ZNF782: variants seen among roughly 807,000 people sequenced by gnomAD.
The protein encoded by ZNF782 is zinc finger protein 782.
A neutral mutation model predicts 13.0 loss-of-function variants in ZNF782; 12 were observed. The ratio of observed to expected loss-of-function variants is 0.92; its 90% CI spans 0.59 to 1.50. The LOEUF (loss-of-function observed/expected upper bound fraction) is 1.50, where lower values mean the gene tolerates loss of function less well. Ranked by LOEUF, ZNF782 falls within the 40% of genes most tolerant of loss-of-function variation. The probability of loss-of-function intolerance (pLI) is 0.00; values close to 1 mark genes in which losing one functional copy is unlikely to be tolerated. For missense variants in ZNF782, 770 were observed against 822.9 expected, an observed-to-expected ratio of 0.94 and a Z score of 0.79; for synonymous variants, 284 against 283.0, an observed-to-expected ratio of 1.00 and a Z score of -0.04.
chr9:96,820,558 T>C (rs199526108), intron 5 of ZNF782, among the ~76,000 whole-genome samples: 1 of 142,066 alleles, frequency 7.0e-6, no homozygotes. Context: ...TTTTTTTTTT[T>C]CTTTTTTTTG....
At chr9:96,854,900 A>G (rs1588172597), upstream of ZNF782, among the ~76,000 whole-genome samples, 2 of 149,952 alleles carry the variant, frequency 1.3e-5, no homozygotes, top group East Asian at 3.9e-4. Context: ...AAAATTAAGA[A>G]TTTTGTAGAA....
At chr9:96,836,822 A>G (rs1851018321) in intron 4 of ZNF782, among the ~76,000 whole-genome samples, 1 of 152,084 alleles carries the variant, frequency 6.6e-6, no homozygotes, top group Non-Finnish European at 1.5e-5. Flanking sequence ...TCTCATAGGA[A>G]TAGATTATTT....
In ZNF782 at chr9:96,816,552, G is replaced by T. The variant is rs1389405678; in HGVS notation, c.*1371C>A. 1.3e-5 allele frequency: 2 copies of T among 152,046 alleles called. No individual in the cohort carries two copies. Among genetic ancestry groups the T allele is most frequent in the African/African-American group, 4.8e-5 (2 of 41,478 alleles). The allele number at this position is 152,046 out of a possible 1,614,324, so 9.4% of individuals were successfully genotyped here. A position where few individuals can be genotyped will look rare whatever the true frequency, so the allele number is the denominator to read the frequency against. On this transcript the variant is annotated 3_prime_UTR_variant, in exon 6 of 6. Transcript: ENST00000481138. ...TGTCTTATATTTCATTAAAAGTTTT[G>T]ATATTATATGTGAAACAACAGTTCT...
chr9:96,821,787 C>T (rs1850426672), intron 5 of ZNF782, among the ~76,000 whole-genome samples: 1 of 151,670 alleles, frequency 6.6e-6, no homozygotes, highest in Non-Finnish European at 1.5e-5. Flanking sequence ...TTCTCAGCCT[C>T]CTGAGTAGCT....
chr9:96,877,789 G>A (rs1263885140), upstream of ZNF782, among the ~76,000 whole-genome samples: 1 of 152,198 alleles, frequency 6.6e-6, no homozygotes, highest in East Asian at 1.9e-4. Context: ...CAAAAATGAA[G>A]CTTACTCGGT....
chr9:96,862,253 T>C (rs1851709800), intron 1 of ZNF782, among the ~76,000 whole-genome samples: 1 of 152,168 alleles, frequency 6.6e-6, no homozygotes, highest in South Asian at 2.1e-4. Flanking sequence ...TAAAGAGTAA[T>C]GGTTAATAGG....
Position 96,852,580 on chromosome 9 carries a change from G to A in ZNF782, c.-45+273C>T, listed in dbSNP as rs547313761. Among the ~76,000 whole-genome samples, 37 of 152,348 alleles carry A rather than the reference G, an allele frequency of 2.4e-4. 1 individual carries two copies. The South Asian group carries it at 7.5e-3, about 31-fold the overall frequency. On this transcript the variant is annotated intron_variant, in intron 2 of 5. Coordinates refer to ENST00000481138, the MANE Select transcript of ZNF782 (RefSeq NM_001001662.3). ...GAGGATCACTTGAGCCCAGGAGGTAGAGGCTGCAGTGAGCCATGTTTGTGC... is the reference window on the plus strand; with the variant it reads ...GAGGATCACTTGAGCCCAGGAGGTAAAGGCTGCAGTGAGCCATGTTTGTGC...
At chr9:96,925,571 G>A in the ZNF782 span, among the ~76,000 whole-genome samples, 1 of 149,574 alleles carries the variant, frequency 6.7e-6, no homozygotes, top group South Asian at 2.1e-4. Context: ...GGAGGCGGAG[G>A]CTGCAGTGAG....
At position 96,819,566 on chromosome 9, in the gene ZNF782, GGGCCATCA is replaced by G. The variant is rs1247116947; in HGVS notation, c.449_456del (p.Leu150ProfsTer12). The G allele has an allele frequency of 6.2e-7, 1 of 1,613,324 alleles. No individual in the cohort carries two copies. Among genetic ancestry groups the G allele is most frequent in the African/African-American group, 1.3e-5 (1 of 74,816 alleles). ...TTTTCTTTTGAATACTGACAGTGTG[GGGCCATCA>G]GGCTGAGCCCCTGGCAAGCAGACCC... On this transcript the variant is annotated frameshift_variant, in exon 6 of 6. Transcript: ENST00000481138. LOFTEE classifies it low-confidence loss of function (END_TRUNC).
At chr9:96,878,186 T>A (rs912687609), upstream of ZNF782, among the ~76,000 whole-genome samples, 2 of 152,138 alleles carry the variant, frequency 1.3e-5, no homozygotes, top group African/African-American at 2.4e-5. Flanking sequence ...GTGGCTAGGA[T>A]TACAGGCGCG....
At chr9:96,912,717 C>T in the ZNF782 span, among the ~76,000 whole-genome samples, 87 of 150,980 alleles carry the variant, frequency 5.8e-4, no homozygotes, top group Middle Eastern at 3.4e-3. Context: ...TTAGTAGAGA[C>T]GGGGTTTCAC....
At chr9:96,885,709 CA>C in the ZNF782 span, among the ~76,000 whole-genome samples, 7 of 149,446 alleles carry the variant, frequency 4.7e-5, no homozygotes, top group Non-Finnish European at 7.4e-5. Flanking sequence ...TTTCTGGAAA[CA>C]AAAAAAAACA....
rs74194509 is a variant in ZNF782 at position 96,834,478 on chromosome 9, C to T, written c.143-7297G>A. ...ATGGACTAATACACCATTCAATGGG[C>T]GTGAGTTCTTGCTCTCACAGGAATG... On this transcript the variant is annotated intron_variant, in intron 4 of 5. Transcript: ENST00000481138. Among the ~76,000 whole-genome samples, 1,409 of 152,256 alleles carry T rather than the reference C, an allele frequency of 9.3e-3. 51 individuals are homozygous for T. In the East Asian group the frequency reaches 0.1, roughly 11 times the overall value.
At chr9:96,898,074 CT>C in the ZNF782 span, 1 of 149,276 alleles carries the variant, frequency 6.7e-6, no homozygotes. Context: ...TCTTTCTTTC[CT>C]TTTCTTTAAC....
At chr9:96,848,291 A>G (rs1194178104) in intron 3 of ZNF782, among the ~76,000 whole-genome samples, 1 of 152,216 alleles carries the variant, frequency 6.6e-6, no homozygotes, top group African/African-American at 2.4e-5. Context: ...CCTGTTCAAC[A>G]TAGTTCTGGA....
At chr9:96,883,042 G>C in the ZNF782 span, among the ~76,000 whole-genome samples, 2 of 152,152 alleles carry the variant, frequency 1.3e-5, no homozygotes, top group African/African-American at 2.4e-5. Context: ...AGAATGAAAA[G>C]ACAGAATTCT....
chr9:96,887,324 A>AGGAAG, the ZNF782 span: 1 of 150,642 alleles, frequency 6.6e-6, no homozygotes, highest in African/African-American at 2.5e-5. Flanking sequence ...GAAGGAAGGA[A>AGGAAG]GGAAGGAAGG....
At chr9:96,879,381 T>C (rs1484936334), upstream of ZNF782, among the ~76,000 whole-genome samples, 1 of 152,178 alleles carries the variant, frequency 6.6e-6, no homozygotes, top group East Asian at 1.9e-4. Context: ...CGGGCGCCTG[T>C]AGTCCCAGCT....
chr9:96,925,160 G>A, the ZNF782 span, among the ~76,000 whole-genome samples: 5,567 of 152,208 alleles, frequency 0.037, 381 homozygotes, highest in East Asian at 0.34. Context: ...GGTTGAGGGC[G>A]GCCGGCTGCG....
Sources: gnomAD v4.1 joint callset for allele counts (sites outside exome capture counted in the v4.1 genomes callset) on GRCh38, gnomAD v4.1.1 for gene constraint, MANE v1.5 for transcripts, NCBI Gene and HGNC (gene_info 2026-07-23, HGNC 2026-07-21) for gene names.